The following ASIC2 variants were observed in gnomAD, a reference collection of about 807,000 sequenced individuals.
The protein encoded by ASIC2 is acid-sensing ion channel 2.
Under a neutral mutation model 57.3 loss-of-function variants are expected in ASIC2, and 25 were observed. The ratio of observed to expected loss-of-function variants is 0.44; its 90% confidence interval spans 0.32 to 0.61. ASIC2 has a LOEUF of 0.61. ASIC2 is among the 20% of genes least tolerant of loss of function. ASIC2 has a pLI of 0.06. For synonymous variants in ASIC2, 319 were observed against 307.5 expected (o/e 1.04, Z -0.39); for missense variants, 641 against 738.1 (o/e 0.87, Z 1.52).
At chr17:33,023,334 A>C (rs2091845503) in intron 6 of ASIC2, among the ~76,000 whole-genome samples, 1 of 151,848 alleles carries the variant, frequency 6.6e-6, no homozygotes, top group Non-Finnish European at 1.5e-5. Flanking sequence ...CTAAAAATAC[A>C]AAAAAATTAG....
chr17:33,364,097 C>T (rs552430331), intron 1 of ASIC2, among the ~76,000 whole-genome samples: 41 of 152,274 alleles, frequency 2.7e-4, no homozygotes, highest in African/African-American at 8.9e-4. Context: ...TGTTCAAAGA[C>T]ACCCTGTGAA....
chr17:33,485,394 A>T (rs1913545190), intron 1 of ASIC2, among the ~76,000 whole-genome samples: 1 of 152,224 alleles, frequency 6.6e-6, no homozygotes, highest in African/African-American at 2.4e-5. Flanking sequence ...CAAGAAGGGG[A>T]GGCTGAGACT....
chr17:33,303,908 T>C, intron 1 of ASIC2, among the ~76,000 whole-genome samples: 1 of 152,190 alleles, frequency 6.6e-6, no homozygotes. Flanking sequence ...GTGCCTAACA[T>C]TGGTAAGTAA....
chr17:33,183,082 C>CTGAT (rs960592761), intron 1 of ASIC2, among the ~76,000 whole-genome samples: 79 of 152,290 alleles, frequency 5.2e-4, no homozygotes, highest in African/African-American at 1.8e-3. Context: ...AGAGGTGAAA[C>CTGAT]TGATGTGTTC....
intron 1 of ASIC2, among the ~76,000 whole-genome samples, chr17:33,815,904 T>A (rs748265028): frequency 2.2e-4 from 34 of 152,194 alleles, no homozygotes; most frequent in Non-Finnish European, 4.7e-4. Context: ...ATTGGGTACT[T>A]ATGATATGCC....
At chr17:33,913,643 T>C (rs1481787324) in intron 1 of ASIC2, among the ~76,000 whole-genome samples, 3 of 152,152 alleles carry the variant, frequency 2.0e-5, no homozygotes, top group Non-Finnish European at 2.9e-5. Flanking sequence ...TTCGATATAA[T>C]TCACAAATAA....
At chr17:33,343,672 A>G (rs1010031195) in intron 1 of ASIC2, among the ~76,000 whole-genome samples, 4 of 152,146 alleles carry the variant, frequency 2.6e-5, no homozygotes, top group African/African-American at 9.7e-5. Flanking sequence ...TTTCAGCCTC[A>G]GCCTTATTTT....
chr17:33,912,011 A>G (rs1346761143), intron 1 of ASIC2, among the ~76,000 whole-genome samples: 6 of 151,632 alleles, frequency 4.0e-5, no homozygotes, highest in Admixed American at 2.0e-4. Context: ...GTGGTGGTGT[A>G]TGCCTGTAAT....
At chr17:33,665,816 A>G (rs986634817) in intron 1 of ASIC2, among the ~76,000 whole-genome samples, 2 of 152,146 alleles carry the variant, frequency 1.3e-5, no homozygotes, top group Non-Finnish European at 2.9e-5. Context: ...GAGAGGGAGT[A>G]TCTCCCTGTG....
chr17:33,830,421 C>T (rs1913066644), intron 1 of ASIC2, among the ~76,000 whole-genome samples: 1 of 152,050 alleles, frequency 6.6e-6, no homozygotes. Context: ...ATGGGGAGAT[C>T]AGTCCCAGTT....
chr17:33,501,144 A>G (rs1014199185), intron 1 of ASIC2, among the ~76,000 whole-genome samples: 47 of 152,264 alleles, frequency 3.1e-4, no homozygotes, highest in Admixed American at 1.8e-3. Flanking sequence ...TCACTGAGTT[A>G]CAAGCCACAC....
intron 1 of ASIC2, among the ~76,000 whole-genome samples, chr17:33,510,346 A>T (rs1043891569): frequency 6.6e-6 from 1 of 152,156 alleles, no homozygotes; most frequent in African/African-American, 2.4e-5. Flanking sequence ...TGGATTCCTA[A>T]GTTTTCTTGA....
At chr17:34,085,269 G>C (rs1260359579) in intron 1 of ASIC2, among the ~76,000 whole-genome samples, 1 of 152,104 alleles carries the variant, frequency 6.6e-6, no homozygotes, top group Non-Finnish European at 1.5e-5. Flanking sequence ...TTTTGTCAAA[G>C]GCCTTTTCTG....
intron 1 of ASIC2, among the ~76,000 whole-genome samples, chr17:33,645,477 G>A (rs190466218): frequency 1.8e-4 from 27 of 152,242 alleles, no homozygotes; most frequent in African/African-American, 5.5e-4. Context: ...AAATGACCTC[G>A]CACAGTGGTC....
At chr17:33,799,499 T>G (rs1304561902) in intron 1 of ASIC2, among the ~76,000 whole-genome samples, 1 of 134,116 alleles carries the variant, frequency 7.5e-6, no homozygotes, top group East Asian at 2.0e-4. Flanking sequence ...TCTTTCTTAC[T>G]TTCTTTCTTT....
chr17:33,813,650 A>G (rs1912492338), intron 1 of ASIC2, among the ~76,000 whole-genome samples: 1 of 152,116 alleles, frequency 6.6e-6, no homozygotes, highest in Admixed American at 6.5e-5. Context: ...GTTAGCCAGG[A>G]TGGTCTCGAT....
At position 33,649,471 on chromosome 17, in the gene ASIC2, C is replaced by G. The variant is rs374816749; in HGVS notation, c.555+506507G>C. On this transcript the variant is annotated intron_variant, in intron 1 of 9. Coordinates refer to the ASIC2 transcript ENST00000359872. ...TATCAACTCTTCCCAAATTGACATA[C>G]AGGTTTAATGCAATTTCTATGAAAA... Among the ~76,000 whole-genome samples, 34 of 152,264 alleles carry G rather than the reference C, an allele frequency of 2.2e-4. No individual in the cohort carries two copies. The South Asian group carries it at 3.5e-3, about 16-fold the overall frequency.
Position 33,028,280 on chromosome 17 carries a change from A to G in ASIC2, c.1100T>C (p.Ile367Thr). The G allele has an allele frequency of 1.2e-6, 2 of 1,614,124 alleles. No individual in the cohort carries two copies. Among genetic ancestry groups the G allele is most frequent in the African/African-American group, 1.3e-5 (1 of 75,038 alleles). Residue 367 changes from isoleucine (I) to threonine (T), a missense_variant, in exon 4 of 10, where the codon ATT becomes ACT. By Grantham distance (89) the Ile-to-Thr change is moderately conservative (BLOSUM62 -1). Coordinates refer to ENST00000225823, the MANE Select transcript of ASIC2 (RefSeq NM_183377.2). ...CATGCGGCAGTTGCAGTTTTCCACA[A>G]TGTAGCGGGTCTCACAGTCAATCCT... ...ACRIDCETRY[I>T]VENCNCRMVH...
At chr17:33,345,758 G>T (rs1273852150) in intron 1 of ASIC2, among the ~76,000 whole-genome samples, 2 of 152,170 alleles carry the variant, frequency 1.3e-5, no homozygotes, top group Admixed American at 1.3e-4. Context: ...GCAACAGGTA[G>T]GTTTAAATGG....
Sources: allele counts gnomAD v4.1 joint callset (sites outside exome capture counted in the v4.1 genomes callset), GRCh38; gene constraint gnomAD v4.1.1; transcripts MANE v1.5; gene names NCBI Gene and HGNC (gene_info 2026-07-23, HGNC 2026-07-21).